CD4: variants seen among roughly 807,000 people sequenced by gnomAD.
CD4 encodes T-cell surface glycoprotein CD4.
Under a neutral mutation model 50.5 loss-of-function variants are expected in CD4, and 25 were observed. The ratio of observed to expected loss-of-function variants is 0.49; its 90% CI spans 0.36 to 0.69. The LOEUF (loss-of-function observed/expected upper bound fraction) is 0.69. Among genes scored for constraint, CD4 ranks in the 30% least tolerant of loss-of-function variants. The probability of loss-of-function intolerance (pLI) is 0.00; values close to 1 mark genes in which losing one functional copy is unlikely to be tolerated. For synonymous variants in CD4, 207 were observed against 221.9 expected (o/e 0.93, Z 0.60); for missense variants, 456 against 548.5 (o/e 0.83, Z 1.68).
Position 6,792,786 on chromosome 12 carries a change from G to A in CD4, c.-68+3124G>A, listed in dbSNP as rs1037425943. Among the ~76,000 whole-genome samples the A allele has an allele frequency of 5.3e-5, 8 of 152,178 alleles. No individual in the cohort carries two copies. Among genetic ancestry groups the A allele is most frequent in the African/African-American group, 1.9e-4 (8 of 41,442 alleles). ...AGCCTGAGAGGGGAAGCTGAAAAAGGAGAAGAGGCAAGGGGCATTCCAGGG... is the reference window on the plus strand; with the variant it reads ...AGCCTGAGAGGGGAAGCTGAAAAAGAAGAAGAGGCAAGGGGCATTCCAGGG... On this transcript the variant is annotated intron_variant, in intron 1 of 9. Coordinates refer to ENST00000011653, the MANE Select transcript of CD4 (RefSeq NM_000616.5). The surrounding 1 kb of genome is among the most constrained non-coding windows in gnomAD (Gnocchi z 4.1).
chr12:6,796,355 T>C (rs946956264), intron 1 of CD4, among the ~76,000 whole-genome samples: 59 of 152,118 alleles, frequency 3.9e-4, no homozygotes, highest in African/African-American at 1.4e-3. Context: ...AAGATGCCAC[T>C]GGGGGAAAGA....
At chr12:6,791,672 G>A (rs1410788525) in intron 1 of CD4, among the ~76,000 whole-genome samples, 2 of 152,176 alleles carry the variant, frequency 1.3e-5, no homozygotes, top group African/African-American at 2.4e-5. Flanking sequence ...CTTGAACCTG[G>A]GAGTTTGAGA....
rs1591546778 is a variant in CD4 at position 6,800,064 on chromosome 12, T to C, written c.-67-8T>C. The C allele has an allele frequency of 7.6e-7, 1 of 1,310,544 alleles. No individual in the cohort carries two copies. The allele number at this position is 1,310,544 out of a possible 1,614,324, so 81.2% of individuals were successfully genotyped here. A position where few individuals can be genotyped will look rare whatever the true frequency, so the allele number is the denominator to read the frequency against. On this transcript the variant is annotated splice_polypyrimidine_tract_variant and splice_region_variant and intron_variant, in intron 1 of 9. Coordinates refer to ENST00000011653, the MANE Select transcript of CD4 (RefSeq NM_000616.5). ...TGTTTGCTGACTAATGATTGGCATTTCCCTCAGGCCCTGCCATTTCTGTGG... is the reference window on the plus strand; with the variant it reads ...TGTTTGCTGACTAATGATTGGCATTCCCCTCAGGCCCTGCCATTTCTGTGG...
At position 6,816,576 on chromosome 12, in the gene CD4, T is replaced by A. The variant is rs1291544842; in HGVS notation, c.955+173T>A. Among the ~76,000 whole-genome samples the A allele has an allele frequency of 6.6e-6, 1 of 152,238 alleles. No individual in the cohort carries two copies. The highest frequency in any genetic ancestry group is 2.4e-5 in the African/African-American group (1 of 41,464). On this transcript the variant is annotated intron_variant, in intron 6 of 9. Coordinates refer to ENST00000011653, the MANE Select transcript of CD4 (RefSeq NM_000616.5). The surrounding 1 kb of genome is among the most constrained non-coding windows in gnomAD (Gnocchi z 4.9). ...GGCTGGTTTTGAACTGAGACATCCATGAGCCAGCCTGGGGCTGGCTTCACT... is the reference window on the plus strand; with the variant it reads ...GGCTGGTTTTGAACTGAGACATCCAAGAGCCAGCCTGGGGCTGGCTTCACT...
chr12:6,804,698 C>T lies in CD4; in HGVS notation c.214+4227C>T, dbSNP rs782818099. Among the ~76,000 whole-genome samples the T allele has an allele frequency of 2.0e-5, 3 of 152,064 alleles. No homozygotes were observed. In the South Asian group the frequency reaches 6.2e-4, roughly 31 times the overall value. On this transcript the variant is annotated intron_variant, in intron 3 of 9. Transcript: ENST00000011653. ...GACCAGCCCGGGCAACATAGTGAGA[C>T]CTTGTCTCTACAAAAAGTAAAAAAT...
In CD4 at chr12:6,795,870, G is replaced by C. The variant is rs367589652; in HGVS notation, c.-67-4202G>C. Among the ~76,000 whole-genome samples, 18 of 152,328 alleles carry C rather than the reference G, an allele frequency of 1.2e-4. 1 individual carries two copies. The East Asian group carries it at 3.3e-3, about 28-fold the overall frequency. On this transcript the variant is annotated intron_variant, in intron 1 of 9. Coordinates refer to ENST00000011653, the MANE Select transcript of CD4 (RefSeq NM_000616.5). ...CCCCGACTGGTGCTGGAGGGCAAGAGAGCCTATGAGCCATGTGTGGCTGTC... is the reference window on the plus strand; with the variant it reads ...CCCCGACTGGTGCTGGAGGGCAAGACAGCCTATGAGCCATGTGTGGCTGTC...
chr12:6,819,262 G>A, intron 9 of CD4, 37 bp from the exon 10 acceptor site: 4 of 1,612,976 alleles, frequency 2.5e-6, no homozygotes, highest in East Asian at 2.2e-5. Flanking sequence ...GGTTGCAGTG[G>A]GGACAGACCT....
At chr12:6,800,912 A>G (rs1942524871) in intron 3 of CD4, among the ~76,000 whole-genome samples, 1 of 147,532 alleles carries the variant, frequency 6.8e-6, no homozygotes, top group Non-Finnish European at 1.5e-5. Flanking sequence ...AAATATATAT[A>G]TATTTTTTTT....
At position 6,818,354 on chromosome 12, in the gene CD4, G is replaced by A. The variant is rs1943160204; in HGVS notation, c.1157-67G>A. ...CAGAGACTGGCCAGGAGGGATTGCA[G>A]GGCAGTCCTCAGTCCCCTGGCCCGT... On this transcript the variant is annotated intron_variant, in intron 7 of 9. Transcript: ENST00000011653. This position sits in a 1 kb window ranked among gnomAD's most constrained non-coding sequence, Gnocchi z 5.0. The A allele has an allele frequency of 6.3e-7, 1 of 1,588,238 alleles. No homozygotes were observed. Among genetic ancestry groups the A allele is most frequent in the Non-Finnish European group, 8.6e-7 (1 of 1,166,506 alleles).
At position 6,818,443 on chromosome 12, in the gene CD4, G is replaced by C. The variant is rs368945148; in HGVS notation, c.1179G>C (p.Pro393=). The C allele has an allele frequency of 1.2e-6, 2 of 1,612,718 alleles. No individual in the cohort carries two copies. Among genetic ancestry groups the C allele is most frequent in the Non-Finnish European group, 1.7e-6 (2 of 1,179,998 alleles). ...CAGTTCTGCCCACATGGTCCACCCC[G>C]GTGCAGCCAATGGCCCTGATTGTGC... ...NIKVLPTWST[P]VQPMALIVLG... The change falls in exon 8 of 10, where the codon CCG becomes CCC. Residue 393 remains proline, a synonymous_variant. Coordinates refer to ENST00000011653, the MANE Select transcript of CD4 (RefSeq NM_000616.5). The surrounding 1 kb of genome is among the most constrained non-coding windows in gnomAD (Gnocchi z 5.0).
At chr12:6,808,482 A>AAAAAT (rs1942841700) in intron 3 of CD4, among the ~76,000 whole-genome samples, 5 of 135,360 alleles carry the variant, frequency 3.7e-5, no homozygotes, top group African/African-American at 6.3e-5. Flanking sequence ...AAAAAAAAAA[A>AAAAAT]GTGAAGTTTA....
chr12:6,818,728 G>T lies in CD4; in HGVS notation c.1279-119G>T, dbSNP rs782400953. 64 of 1,179,316 alleles carry T rather than the reference G, an allele frequency of 5.4e-5. No homozygotes were observed. Among genetic ancestry groups the T allele is most frequent in the Non-Finnish European group, 7.6e-5 (60 of 791,602 alleles). The allele number at this position is 1,179,316 out of a possible 1,614,324, so 73.1% of individuals were successfully genotyped here. A position where few individuals can be genotyped will look rare whatever the true frequency, so the allele number is the denominator to read the frequency against. On this transcript the variant is annotated intron_variant, in intron 8 of 9. Transcript: ENST00000011653. The surrounding 1 kb of genome is among the most constrained non-coding windows in gnomAD (Gnocchi z 5.0). ...GGAGCAGAGAGTTAATTCCAGGATA[G>T]ATGGCCTGGGCCATGTAACTGCTTC...
rs1413864882 is a variant in CD4, at chr12:6,794,775, GTTTTTTTTTTGTT to G, written c.-68+5124_-68+5136del. 2.7e-5 allele frequency among the ~76,000 whole-genome samples: 3 copies of G among 112,542 alleles called. 1 individual carries two copies. The highest frequency in any genetic ancestry group is 9.6e-5 in the African/African-American group (3 of 31,404). The allele number at this position is 112,542 out of a possible 152,430, so 73.8% of individuals were successfully genotyped here. Reference sequence around the variant, plus strand: ...ATCTAATCTATCTGTCTGTATGTCTGTTTTTTTTTTGTTTTTTTTTTTTTTTTGAGATAGAGTC... The same window carrying G: ...ATCTAATCTATCTGTCTGTATGTCTGTTTTTTTTTTTTTTGAGATAGAGTC... On this transcript the variant is annotated intron_variant, in intron 1 of 9. Transcript: ENST00000011653.
intron 3 of CD4, among the ~76,000 whole-genome samples, chr12:6,801,540 T>A (rs1309299647): frequency 6.7e-6 from 1 of 148,584 alleles, no homozygotes; most frequent in Non-Finnish European, 1.5e-5. Flanking sequence ...AAGCTGCANA[T>A]TTATTATTAT....
intron 3 of CD4, among the ~76,000 whole-genome samples, chr12:6,801,121 G>C (rs10128774): frequency 0.02 from 3,094 of 151,194 alleles, 110 homozygotes; most frequent in African/African-American, 0.071. Context: ...GGCCAGGCTG[G>C]TCTCGAACTC....
At chr12:6,795,315 T>C (rs1442452659) in intron 1 of CD4, among the ~76,000 whole-genome samples, 1 of 136,274 alleles carries the variant, frequency 7.3e-6, no homozygotes, top group Non-Finnish European at 1.7e-5. Context: ...TCTATCTACC[T>C]ACCTGTCTAT....
At position 6,800,404 on chromosome 12, in the gene CD4, A is replaced by C; in HGVS notation, c.147A>C (p.Ile49=). 6.2e-7 allele frequency: 1 copy of C among 1,614,116 alleles called. No individual in the cohort carries two copies. The highest frequency in any genetic ancestry group is 8.5e-7 in the Non-Finnish European group (1 of 1,179,934). ...LTCTASQKKS[I]QFHWKNSNQI... ...GTACAGCTTCCCAGAAGAAGAGCAT[A>C]CAATTCCACTGGAAAAACTCCAACC... Residue 49 remains isoleucine (I), a synonymous_variant, in exon 3 of 10, where the codon ATA becomes ATC. Coordinates refer to ENST00000011653, the MANE Select transcript of CD4 (RefSeq NM_000616.5).
chr12:6,805,061 G>C (rs1555115940), intron 3 of CD4, among the ~76,000 whole-genome samples: 2 of 130,618 alleles, frequency 1.5e-5, no homozygotes, highest in Non-Finnish European at 3.2e-5. Context: ...GTGTATGCCT[G>C]TAGTCCCAGC....
rs148485875 is a variant in CD4 at position 6,795,959 on chromosome 12, C to A, written c.-67-4113C>A. Among the ~76,000 whole-genome samples, 477 of 152,310 alleles carry A rather than the reference C, an allele frequency of 3.1e-3. 4 individuals carry two copies. Among genetic ancestry groups the A allele is most frequent in the African/African-American group, 0.011 (443 of 41,558 alleles). On this transcript the variant is annotated intron_variant, in intron 1 of 9. Transcript: ENST00000011653. ...GCTGGCAGGGCCCCGTGGGGATGAA[C>A]AGCTTGGATTGGGGCGACTGGGCTT...
Sources: gnomAD v4.1 joint callset for allele counts (sites outside exome capture counted in the v4.1 genomes callset) on GRCh38, gnomAD v4.1.1 for gene constraint, Gnocchi (gnomAD v3.1) non-coding constraint, MANE v1.5 for transcripts, NCBI Gene and HGNC (gene_info 2026-07-23, HGNC 2026-07-21) for gene names.